TMC7: variants seen among roughly 807,000 people sequenced by gnomAD.
The protein encoded by TMC7 is transmembrane channel like 7.
Under a neutral mutation model 82.9 loss-of-function variants are expected in TMC7, and 54 were observed. The observed-to-expected ratio is 0.65, with a 90% CI of 0.52 to 0.82. The LOEUF is 0.82. Ranked by LOEUF, TMC7 falls within the 40% of genes least tolerant of loss-of-function variation. TMC7 has a pLI of 0.00. For missense variants in TMC7, 820 were observed against 901.2 expected, an observed-to-expected ratio of 0.91 and a Z score of 1.15; for synonymous variants, 350 against 337.9, an observed-to-expected ratio of 1.04 and a Z score of -0.39.
At chr16:19,010,914 A>G (rs1191352918) in intron 2 of TMC7, among the ~76,000 whole-genome samples, 1 of 152,122 alleles carries the variant, frequency 6.6e-6, no homozygotes, top group Non-Finnish European at 1.5e-5. Context: ...AAGCCTGCAG[A>G]ACCTCTTGGG....
chr16:18,997,633 G>A lies in TMC7; in HGVS notation c.68-11539G>A, dbSNP rs534800454. 3.9e-5 allele frequency among the ~76,000 whole-genome samples: 6 copies of A among 152,022 alleles called. No homozygotes were observed. The South Asian group carries it at 1.2e-3, about 32-fold the overall frequency. Reference sequence around the variant, plus strand: ...GATCCAGCCACCTCTGGCCTCCAAAGTGCTGGGATTGAGCCACCGCACCCA... The same window carrying A: ...GATCCAGCCACCTCTGGCCTCCAAAATGCTGGGATTGAGCCACCGCACCCA... On this transcript the variant is annotated intron_variant, in intron 1 of 15. Coordinates refer to ENST00000304381, the MANE Select transcript of TMC7 (RefSeq NM_024847.4).
At chr16:19,055,219 A>G (rs1327594942) in intron 13 of TMC7, among the ~76,000 whole-genome samples, 1 of 152,142 alleles carries the variant, frequency 6.6e-6, no homozygotes, top group Non-Finnish European at 1.5e-5. Context: ...ACTGCTAAAT[A>G]CTTTAGTGTG....
At chr16:18,991,335 A>G (rs2038947485) in intron 1 of TMC7, among the ~76,000 whole-genome samples, 1 of 152,228 alleles carries the variant, frequency 6.6e-6, no homozygotes, top group Non-Finnish European at 1.5e-5. Context: ...GACCCAGGAC[A>G]TCCAATTAAG....
Position 19,016,508 on chromosome 16 carries a change from A to G in TMC7, c.370A>G (p.Ser124Gly). The change falls in exon 3 of 16, where the codon AGC becomes GGC. Residue 124 changes from serine to glycine, a missense_variant. Transcript: ENST00000304381. ...LSEWDQWKRY[S>G]SKSWKRFLEK... is the part of the protein sequence containing the mutation. Reference sequence around the variant, plus strand: ...CGAATGGGACCAGTGGAAGCGGTATAGCAGCAAGTCTTGGAAGAGGTTCCT... The same window carrying G: ...CGAATGGGACCAGTGGAAGCGGTATGGCAGCAAGTCTTGGAAGAGGTTCCT... The G allele has an allele frequency of 3.1e-6, 5 of 1,614,238 alleles. No homozygotes were observed. The highest frequency in any genetic ancestry group is 4.2e-6 in the Non-Finnish European group (5 of 1,180,050).
intron 8 of TMC7, among the ~76,000 whole-genome samples, chr16:19,039,081 CTTTCT>C: frequency 6.9e-6 from 1 of 145,746 alleles, no homozygotes; most frequent in Non-Finnish European, 1.5e-5. Flanking sequence ...TTCTTTTCTT[CTTTCT>C]TTTTTCTTTT....
At chr16:19,019,468 T>C (rs1220288486) in intron 3 of TMC7, among the ~76,000 whole-genome samples, 2 of 152,230 alleles carry the variant, frequency 1.3e-5, no homozygotes, top group Admixed American at 1.3e-4. Flanking sequence ...AAAAGCTAAC[T>C]GTTACTGAAC....
At position 19,035,672 on chromosome 16, in the gene TMC7, T is replaced by G; in HGVS notation, c.858-4T>G. 1 of 1,614,058 alleles carries G rather than the reference T, an allele frequency of 6.2e-7. No homozygotes were observed. Among genetic ancestry groups the G allele is most frequent in the Non-Finnish European group, 8.5e-7 (1 of 1,180,006 alleles). On this transcript the variant is annotated splice_polypyrimidine_tract_variant and splice_region_variant and intron_variant, in intron 6 of 15. Coordinates refer to ENST00000304381, the MANE Select transcript of TMC7 (RefSeq NM_024847.4). ...TAAGAAGGATGATTGTGTTTTGGGGTCAGGTCGGTGGAAGGATTCAAAATC... is the reference window on the plus strand; with the variant it reads ...TAAGAAGGATGATTGTGTTTTGGGGGCAGGTCGGTGGAAGGATTCAAAATC...
chr16:19,015,606 T>C (rs1307556587), intron 2 of TMC7, among the ~76,000 whole-genome samples: 1 of 151,924 alleles, frequency 6.6e-6, no homozygotes, highest in Non-Finnish European at 1.5e-5. Context: ...GTTTCACTCT[T>C]GTTGCCCAGA....
intron 13 of TMC7, among the ~76,000 whole-genome samples, chr16:19,054,247 A>G (rs1166640402): frequency 6.6e-6 from 1 of 152,032 alleles, no homozygotes; most frequent in Non-Finnish European, 1.5e-5. Context: ...AAAAAGTTTA[A>G]ATCTACAGAA....
At chr16:19,016,380 G>A in intron 2 of TMC7, 70 bp from the exon 3 acceptor site, 1 of 1,591,552 alleles carries the variant, frequency 6.3e-7, no homozygotes, top group African/African-American at 1.3e-5. Context: ...GTGAGCTACT[G>A]TGCCAGGCTG....
chr16:19,054,187 T>G (rs1287010835), intron 13 of TMC7, among the ~76,000 whole-genome samples: 1 of 152,222 alleles, frequency 6.6e-6, no homozygotes, highest in Non-Finnish European at 1.5e-5. Context: ...TTAATTTTAG[T>G]GCTTTCCTAT....
Position 19,023,163 on chromosome 16 carries a change from TAC to T in TMC7, c.681_682del (p.Tyr227Ter). The T allele has an allele frequency of 6.2e-7, 1 of 1,609,424 alleles. No individual in the cohort carries two copies. The highest frequency in any genetic ancestry group is 8.5e-7 in the Non-Finnish European group (1 of 1,176,318). ...AAGCAGTTCTGGACTCATTTACTTT[TAC>T]AGTTATATCATAGACTTGCTTTCTG... is the stretch of plus-strand genomic sequence containing the variant. Reference protein sequence around the residue: ...PVSSSGLIYFYSYIIDLLSGT... With the variant: ...PVSSSGLIYFXSYIIDLLSGT... On this transcript the variant is annotated frameshift_variant, in exon 5 of 16. Coordinates refer to ENST00000304381, the MANE Select transcript of TMC7 (RefSeq NM_024847.4). LOFTEE classifies it high-confidence loss of function.
intron 3 of TMC7, among the ~76,000 whole-genome samples, chr16:19,018,009 A>G (rs551263008): frequency 2.0e-3 from 297 of 152,282 alleles, no homozygotes; most frequent in African/African-American, 6.9e-3. Flanking sequence ...GTGGTGCTAT[A>G]TGCCCATAGT....
rs1196579137 is a variant in TMC7 at position 19,061,825 on chromosome 16, A to G, written c.2154A>G (p.Gln718=). The G allele has an allele frequency of 1.9e-6, 3 of 1,613,932 alleles. No homozygotes were observed. The highest frequency in any genetic ancestry group is 2.2e-5 in the East Asian group (1 of 44,888). ...TAATCCAGAAACTAACAGAAGCCCA[A>G]AGGGACATGAGGAACTAACTAGACT... is the stretch of plus-strand genomic sequence containing the variant. ...CYLIQKLTEA[Q]RDMRN is the part of the protein sequence containing the mutation. Residue 718 remains glutamine (Q), a synonymous_variant, in exon 16 of 16, where the codon CAA becomes CAG. Transcript: ENST00000304381.
At chr16:19,019,067 C>T (rs1395423238) in intron 3 of TMC7, among the ~76,000 whole-genome samples, 1 of 152,184 alleles carries the variant, frequency 6.6e-6, no homozygotes, top group Non-Finnish European at 1.5e-5. Context: ...ACAGGCTGGT[C>T]TTGAATTCCT....
At chr16:19,016,393 A>G in intron 2 of TMC7, 57 bp from the exon 3 acceptor site, 3 of 1,604,656 alleles carry the variant, frequency 1.9e-6, no homozygotes, top group South Asian at 2.2e-5. Context: ...CCAGGCTGGG[A>G]TGCTGAGTCT....
In TMC7 at chr16:18,987,718, G is replaced by A. The variant is rs112470656; in HGVS notation, c.67+3588G>A. ...AGCAGATGCTACATCTATTGTGAATGAATAAATGAATGAATGAAAGAAGTG... is the reference window on the plus strand; with the variant it reads ...AGCAGATGCTACATCTATTGTGAATAAATAAATGAATGAATGAAAGAAGTG... On this transcript the variant is annotated intron_variant, in intron 1 of 15. Transcript: ENST00000304381. 9.5e-3 allele frequency among the ~76,000 whole-genome samples: 1,442 copies of A among 152,276 alleles called. 25 individuals carry two copies. The highest frequency in any genetic ancestry group is 0.032 in the African/African-American group (1,343 of 41,544).
At chr16:19,060,789 ATT>A (rs11390744) in intron 15 of TMC7, among the ~76,000 whole-genome samples, 5 of 137,694 alleles carry the variant, frequency 3.6e-5, no homozygotes, top group Non-Finnish European at 4.7e-5. Flanking sequence ...TCTACTGTGC[ATT>A]TTTTTTTTTT....
chr16:18,993,465 A>G (rs2038985797), intron 1 of TMC7, among the ~76,000 whole-genome samples: 2 of 152,156 alleles, frequency 1.3e-5, no homozygotes, highest in Admixed American at 6.5e-5. Flanking sequence ...GAAGAGATTG[A>G]TAGGTGGAAA....
Sources: allele counts gnomAD v4.1 joint callset (sites outside exome capture counted in the v4.1 genomes callset), GRCh38; gene constraint gnomAD v4.1.1; transcripts MANE v1.5; gene names NCBI Gene and HGNC (gene_info 2026-07-23, HGNC 2026-07-21).